MOV10L1: variants seen among roughly 807,000 people sequenced by gnomAD.
The protein encoded by MOV10L1 is Mov10 like RNA helicase 1.
MOV10L1 carries 110 observed loss-of-function variants against 143.8 expected under a neutral mutation model. That is an observed-to-expected ratio of 0.76 (90% CI 0.66 to 0.90). The LOEUF (loss-of-function observed/expected upper bound fraction) is 0.90. Ranked by LOEUF, MOV10L1 falls within the 40% of genes least tolerant of loss-of-function variation. MOV10L1 has a pLI of 0.00. For synonymous variants in MOV10L1, 593 were observed against 581.1 expected (o/e 1.02, Z -0.29); for missense variants, 1,406 against 1,526.8 (o/e 0.92, Z 1.32).
chr22:50,116,193 C>T, intron 8 of MOV10L1, among the ~76,000 whole-genome samples: 1 of 139,752 alleles, frequency 7.2e-6, no homozygotes, highest in Admixed American at 7.2e-5. Context: ...AGCTTCAATG[C>T]TTTTTTTTTT....
At chr22:50,149,474 C>T in intron 19 of MOV10L1, 141 bp from the exon 20 acceptor site, 2 of 707,406 alleles carry the variant, frequency 2.8e-6, no homozygotes, top group Non-Finnish European at 4.7e-6. Context: ...CCGGGTGACA[C>T]CCAGACCCCC....
At chr22:50,145,897 C>G in intron 19 of MOV10L1, 87 bp downstream of exon 19, 1 of 1,564,676 alleles carries the variant, frequency 6.4e-7, no homozygotes, top group Non-Finnish European at 8.7e-7. Context: ...GGGCGGATGA[C>G]CCAGAGACTC....
intron 9 of MOV10L1, among the ~76,000 whole-genome samples, chr22:50,118,486 C>T (rs755462780): frequency 6.6e-6 from 1 of 152,138 alleles, no homozygotes; most frequent in Non-Finnish European, 1.5e-5. Context: ...GCCATTGCTA[C>T]GACAGTGGGT....
chr22:50,148,724 C>T (rs1756977282), intron 19 of MOV10L1, among the ~76,000 whole-genome samples: 2 of 150,464 alleles, frequency 1.3e-5, no homozygotes, highest in South Asian at 2.1e-4. Flanking sequence ...AGTGCAGTGG[C>T]GCGATCTCAG....
At chr22:50,126,827 G>C (rs1404478035) in intron 12 of MOV10L1, among the ~76,000 whole-genome samples, 3 of 152,208 alleles carry the variant, frequency 2.0e-5, no homozygotes, top group Non-Finnish European at 2.9e-5. Flanking sequence ...CTTGAAGGGA[G>C]AATGCCAGAG....
intron 11 of MOV10L1, among the ~76,000 whole-genome samples, 180 bp downstream of exon 11, chr22:50,125,749 T>C (rs546196052): frequency 6.6e-6 from 1 of 152,314 alleles, no homozygotes; most frequent in East Asian, 1.9e-4. Flanking sequence ...TTGTATTTCA[T>C]TAGTTGTAAG....
chr22:50,138,694 A>G (rs1330675149), intron 15 of MOV10L1, among the ~76,000 whole-genome samples: 1 of 152,146 alleles, frequency 6.6e-6, no homozygotes, highest in Non-Finnish European at 1.5e-5. Flanking sequence ...ACACTCAGAA[A>G]TTGTTTTTTG....
At chr22:50,127,907 G>A (rs1297920797) in intron 12 of MOV10L1, among the ~76,000 whole-genome samples, 1 of 152,002 alleles carries the variant, frequency 6.6e-6, no homozygotes, top group African/African-American at 2.4e-5. Flanking sequence ...CAAGTAGCTG[G>A]GATTACAGGT....
At chr22:50,156,075 C>CATAA (rs2063419677) in intron 22 of MOV10L1, among the ~76,000 whole-genome samples, 1 of 151,608 alleles carries the variant, frequency 6.6e-6, no homozygotes, top group South Asian at 2.1e-4. Flanking sequence ...TTCATTCATT[C>CATAA]ATAAATAAAT....
intron 19 of MOV10L1, among the ~76,000 whole-genome samples, chr22:50,147,758 A>G (rs1040079377): frequency 2.0e-5 from 3 of 152,264 alleles, no homozygotes; most frequent in Non-Finnish European, 2.9e-5. Context: ...AAACCTAAAT[A>G]CTTACATTCT....
At chr22:50,160,554 C>G (rs979729902) in intron 24 of MOV10L1, 134 bp from the exon 25 acceptor site, 6 of 1,195,726 alleles carry the variant, frequency 5.0e-6, no homozygotes, top group Middle Eastern at 5.9e-4. Context: ...GCCCGGCCTC[C>G]TGTTTCTTTT....
Position 50,138,085 on chromosome 22 carries a change from TCCTGATCA to T in MOV10L1, c.2070+3456_2070+3463del, listed in dbSNP as rs557423438. Among the ~76,000 whole-genome samples, 3 of 152,208 alleles carry T rather than the reference TCCTGATCA, an allele frequency of 2.0e-5. No individual in the cohort carries two copies. The East Asian group carries it at 5.8e-4, about 29-fold the overall frequency. ...GCATCTGACAAAATCCAGCATCCAT[TCCTGATCA>T]AAATTCAGCAAACTAGAAATAAAAG... On this transcript the variant is annotated intron_variant, in intron 15 of 26. Coordinates refer to ENST00000262794, the MANE Select transcript of MOV10L1 (RefSeq NM_018995.3).
At chr22:50,114,071 A>G (rs2062100551) in intron 6 of MOV10L1, among the ~76,000 whole-genome samples, 1 of 151,700 alleles carries the variant, frequency 6.6e-6, no homozygotes, top group South Asian at 2.1e-4. Flanking sequence ...GGCGCCCGCC[A>G]CCACGCCCGG....
intron 13 of MOV10L1, among the ~76,000 whole-genome samples, chr22:50,129,900 G>A (rs577068742): frequency 2.0e-5 from 3 of 152,190 alleles, no homozygotes; most frequent in African/African-American, 7.2e-5. Context: ...AATTTTCATT[G>A]TTGTGGGAGT....
chr22:50,094,931 A>T (rs528617742), intron 2 of MOV10L1: 1 of 152,328 alleles, frequency 6.6e-6, no homozygotes, highest in South Asian at 2.1e-4. Context: ...TTAAAACTAA[A>T]TGCAACTTAC....
chr22:50,111,041 C>T (rs999878256), intron 5 of MOV10L1, among the ~76,000 whole-genome samples: 1 of 152,130 alleles, frequency 6.6e-6, no homozygotes, highest in African/African-American at 2.4e-5. Flanking sequence ...CAGCTCTGAC[C>T]CACCCCCTCC....
intron 18 of MOV10L1, among the ~76,000 whole-genome samples, chr22:50,144,798 G>A (rs554071851): frequency 1.3e-5 from 2 of 151,952 alleles, no homozygotes; most frequent in East Asian, 3.9e-4. Flanking sequence ...AGCCAGGATG[G>A]TCTCGATCTC....
chr22:50,113,912 CTTT>C (rs67071955), intron 6 of MOV10L1, 124 bp downstream of exon 6: 6,476 of 259,392 alleles, frequency 0.025, 1 homozygote, highest in South Asian at 0.039. Context: ...AAGATCTTTT[CTTT>C]TTTTTTTTTT....
In MOV10L1 at chr22:50,161,507, A is replaced by G; in HGVS notation, c.*58A>G. ...CTCAGCCTGGCCACGTTGCCGTTAC[A>G]GTCTGCTCCGTGGCTCCTGTGGCCT... On this transcript the variant is annotated 3_prime_UTR_variant, in exon 27 of 27. Coordinates refer to ENST00000262794, the MANE Select transcript of MOV10L1 (RefSeq NM_018995.3). The G allele has an allele frequency of 6.7e-7, 1 of 1,502,812 alleles. No individual in the cohort carries two copies. Among genetic ancestry groups the G allele is most frequent in the South Asian group, 1.2e-5 (1 of 81,068 alleles). The allele number at this position is 1,502,812 out of a possible 1,614,324, so 93.1% of individuals were successfully genotyped here.
Sources: gnomAD v4.1 joint callset for allele counts (sites outside exome capture counted in the v4.1 genomes callset) on GRCh38, gnomAD v4.1.1 for gene constraint, MANE v1.5 for transcripts, NCBI Gene and HGNC (gene_info 2026-07-23, HGNC 2026-07-21) for gene names.